The following PHF21A variants were observed in gnomAD, a reference collection of about 807,000 sequenced individuals.
PHF21A encodes the protein PHD finger protein 21A.
PHF21A carries 11 observed loss-of-function variants against 82.5 expected under a neutral mutation model. That is an observed-to-expected ratio of 0.13 (90% confidence interval 0.08 to 0.22). The LOEUF is 0.22. Among genes scored for constraint, PHF21A ranks in the 10% least tolerant of loss-of-function variants. The pLI is 1.00. For missense variants in PHF21A, 579 were observed against 837.8 expected (o/e 0.69, Z 3.81); for synonymous variants, 297 against 302.8 (o/e 0.98, Z 0.20).
intron 6 of PHF21A, among the ~76,000 whole-genome samples, chr11:46,001,068 A>T (rs1426874798): frequency 2.0e-5 from 3 of 152,200 alleles, no homozygotes; most frequent in Non-Finnish European, 4.4e-5. Context: ...GTAATGCTAC[A>T]GCAATAGCTC....
At chr11:45,943,827 C>T (rs918314638) in intron 15 of PHF21A, among the ~76,000 whole-genome samples, 1 of 152,144 alleles carries the variant, frequency 6.6e-6, no homozygotes, top group African/African-American at 2.4e-5. Flanking sequence ...ACAACACGTG[C>T]CCCCTGCTGT....
intron 6 of PHF21A, among the ~76,000 whole-genome samples, chr11:46,073,352 C>G (rs1286150699): frequency 2.6e-5 from 4 of 151,172 alleles, no homozygotes; most frequent in Non-Finnish European, 4.4e-5. Context: ...AAGTTGGATT[C>G]TCTGATTAGA....
At chr11:46,062,020 C>T (rs574062198) in intron 6 of PHF21A, among the ~76,000 whole-genome samples, 83 of 152,058 alleles carry the variant, frequency 5.5e-4, no homozygotes, top group African/African-American at 1.9e-3. Context: ...TGACTGCTAG[C>T]TTTCTTTGTT....
chr11:46,038,991 T>G (rs1408445362), intron 6 of PHF21A, among the ~76,000 whole-genome samples: 3 of 151,922 alleles, frequency 2.0e-5, no homozygotes, highest in Non-Finnish European at 4.4e-5. Flanking sequence ...AGACCTAAGG[T>G]GGGCACAAGT....
intron 10 of PHF21A, among the ~76,000 whole-genome samples, chr11:45,954,709 A>C (rs939106): frequency 0.87 from 132,790 of 152,216 alleles, 58,249 homozygotes; most frequent in East Asian, 1. Context: ...AATAATTTTA[A>C]AACAGAAAAT....
At chr11:46,072,106 G>T (rs769284550) in intron 6 of PHF21A, among the ~76,000 whole-genome samples, 1 of 152,168 alleles carries the variant, frequency 6.6e-6, no homozygotes, top group East Asian at 1.9e-4. Context: ...AAGGAAGACA[G>T]ATATTTAAAA....
At chr11:45,984,504 C>T (rs1246376149) in intron 6 of PHF21A, among the ~76,000 whole-genome samples, 1 of 152,208 alleles carries the variant, frequency 6.6e-6, no homozygotes, top group Non-Finnish European at 1.5e-5. Context: ...TTCAGCGATA[C>T]TATCAACGTG....
intron 6 of PHF21A, among the ~76,000 whole-genome samples, chr11:46,062,425 A>C (rs1361183391): frequency 6.6e-6 from 1 of 152,052 alleles, no homozygotes; most frequent in Non-Finnish European, 1.5e-5. Flanking sequence ...TTATTGAGAA[A>C]CAACTCCAAT....
At chr11:45,945,696 A>G in intron 15 of PHF21A, 144 bp downstream of exon 15, 2 of 637,606 alleles carry the variant, frequency 3.1e-6, no homozygotes, top group Non-Finnish European at 5.2e-6. Context: ...GCTGCCTTAC[A>G]TGGCATAAAA....
At chr11:46,114,235 C>A (rs965641827) in intron 1 of PHF21A, among the ~76,000 whole-genome samples, 1 of 152,162 alleles carries the variant, frequency 6.6e-6, no homozygotes, top group South Asian at 2.1e-4. Context: ...ATCAGTAACA[C>A]GTCCAAACAC....
At chr11:45,938,601 T>C (rs1486913724) in intron 15 of PHF21A, among the ~76,000 whole-genome samples, 1 of 152,154 alleles carries the variant, frequency 6.6e-6, no homozygotes, top group Admixed American at 6.5e-5. Context: ...AATATGTTTT[T>C]CTATACACAC....
At chr11:46,115,070 A>G (rs993213728) in intron 1 of PHF21A, among the ~76,000 whole-genome samples, 4 of 152,240 alleles carry the variant, frequency 2.6e-5, no homozygotes, top group African/African-American at 9.6e-5. Flanking sequence ...AGTATAGAAA[A>G]GAATAGTTGC....
chr11:46,026,078 A>G (rs1327614853), intron 6 of PHF21A, among the ~76,000 whole-genome samples: 4 of 152,238 alleles, frequency 2.6e-5, no homozygotes, highest in African/African-American at 9.6e-5. Context: ...TCCTGGTATC[A>G]GAGGAAGTTG....
chr11:46,097,449 T>G (rs1465663443), intron 1 of PHF21A, among the ~76,000 whole-genome samples: 1 of 152,148 alleles, frequency 6.6e-6, no homozygotes, highest in Non-Finnish European at 1.5e-5. Context: ...TGGAACACTC[T>G]TTTCCTCCAA....
At chr11:45,934,979 G>T in intron 18 of PHF21A, 1 of 538,518 alleles carries the variant, frequency 1.9e-6, no homozygotes, top group Non-Finnish European at 3.3e-6. Context: ...TATCCATGAG[G>T]GCTGAGGTCA....
At chr11:45,984,206 GGA>G (rs1375238943) in intron 6 of PHF21A, among the ~76,000 whole-genome samples, 3 of 152,234 alleles carry the variant, frequency 2.0e-5, no homozygotes, top group South Asian at 4.2e-4. Flanking sequence ...AAGACGGAAG[GGA>G]GAGAGGGAGA....
intron 1 of PHF21A, among the ~76,000 whole-genome samples, chr11:46,101,797 G>A (rs191845560): frequency 1.3e-5 from 2 of 151,636 alleles, no homozygotes; most frequent in Non-Finnish European, 2.9e-5. Context: ...CACCACACTC[G>A]GCTAATTTTT....
At chr11:46,022,941 G>C (rs1181149501) in intron 6 of PHF21A, among the ~76,000 whole-genome samples, 3 of 151,922 alleles carry the variant, frequency 2.0e-5, no homozygotes, top group Non-Finnish European at 2.9e-5. Context: ...AGTAGAGATA[G>C]GGTTTCGCCA....
intron 15 of PHF21A, among the ~76,000 whole-genome samples, chr11:45,941,355 TACAA>T (rs967766266): frequency 6.6e-6 from 1 of 152,148 alleles, no homozygotes; most frequent in African/African-American, 2.4e-5. Flanking sequence ...CATGAAAAAT[TACAA>T]ACAAAGCATA....
Sources: allele counts gnomAD v4.1 joint callset (sites outside exome capture counted in the v4.1 genomes callset), GRCh38; gene constraint gnomAD v4.1.1; transcripts MANE v1.5; gene names NCBI Gene and HGNC (gene_info 2026-07-23, HGNC 2026-07-21).